Variants in ANO10 observed in about 807,000 individuals in gnomAD.
ANO10 encodes anoctamin-10.
A neutral mutation model predicts 74.7 loss-of-function variants in ANO10; 77 were observed. The ratio of observed to expected loss-of-function variants is 1.03; its 90% CI spans 0.86 to 1.25. The LOEUF (loss-of-function observed/expected upper bound fraction) is 1.25. Ranked by LOEUF, ANO10 falls within the 50% of genes most tolerant of loss-of-function variation. The pLI is 0.00. For synonymous variants in ANO10, 279 were observed against 284.9 expected, an observed-to-expected ratio of 0.98 and a Z score of 0.21; for missense variants, 721 against 778.1, an observed-to-expected ratio of 0.93 and a Z score of 0.87.
chr3:43,423,856 C>T (rs2092857599), intron 12 of ANO10, among the ~76,000 whole-genome samples: 1 of 152,194 alleles, frequency 6.6e-6, no homozygotes, highest in Non-Finnish European at 1.5e-5. Context: ...TCACACACTA[C>T]ATGTCAGCTG....
chr3:43,497,933 G>A (rs776203676), intron 11 of ANO10, among the ~76,000 whole-genome samples: 1 of 152,150 alleles, frequency 6.6e-6, no homozygotes, highest in Non-Finnish European at 1.5e-5. Flanking sequence ...ACCTGAGAGT[G>A]GAACTCATGC....
At chr3:43,428,796 C>CAAAAAAAAAAA (rs56213626) in intron 12 of ANO10, among the ~76,000 whole-genome samples, 706 of 55,430 alleles carry the variant, frequency 0.013, 184 homozygotes, top group Non-Finnish European at 0.015. Flanking sequence ...TTTGTGAATG[C>CAAAAAAAAAAA]AAAAAAAAAA....
At chr3:43,452,944 ATCTTTC>A (rs2074944701) in intron 11 of ANO10, among the ~76,000 whole-genome samples, 1 of 152,204 alleles carries the variant, frequency 6.6e-6, no homozygotes, top group Non-Finnish European at 1.5e-5. Context: ...TGATGTAAAT[ATCTTTC>A]CATGTGCTTG....
chr3:43,627,711 C>A (rs1253726150), intron 1 of ANO10, among the ~76,000 whole-genome samples: 1 of 152,190 alleles, frequency 6.6e-6, no homozygotes, highest in East Asian at 1.9e-4. Flanking sequence ...AAATCTTGCT[C>A]GTTTCTTATA....
chr3:43,542,993 G>A (rs2079022172), intron 11 of ANO10, among the ~76,000 whole-genome samples: 1 of 152,190 alleles, frequency 6.6e-6, no homozygotes. Flanking sequence ...GAACACTCAT[G>A]CAAGGGAGGC....
chr3:43,573,934 G>C (rs2080868473), intron 7 of ANO10, among the ~76,000 whole-genome samples: 1 of 152,126 alleles, frequency 6.6e-6, no homozygotes. Flanking sequence ...TCTAAAAAGT[G>C]GGTTAGTTTT....
intron 12 of ANO10, among the ~76,000 whole-genome samples, chr3:43,401,112 T>C (rs2148869732): frequency 6.6e-6 from 1 of 152,342 alleles, no homozygotes; most frequent in South Asian, 2.1e-4. Flanking sequence ...CTTCGCTTTT[T>C]CCTTTAAAGC....
intron 9 of ANO10, among the ~76,000 whole-genome samples, chr3:43,556,650 T>C (rs973560297): frequency 3.9e-5 from 6 of 152,156 alleles, no homozygotes; most frequent in South Asian, 2.1e-4. Context: ...ACTAAGAATA[T>C]ATTAACCAAG....
intron 12 of ANO10, among the ~76,000 whole-genome samples, chr3:43,414,969 T>C (rs1236599531): frequency 7.6e-6 from 1 of 130,870 alleles, no homozygotes; most frequent in East Asian, 2.1e-4. Flanking sequence ...TCATTGTGCT[T>C]TTTTTTTTTT....
chr3:43,524,787 C>T (rs1175869846), intron 11 of ANO10, among the ~76,000 whole-genome samples: 3 of 152,118 alleles, frequency 2.0e-5, no homozygotes, highest in African/African-American at 7.2e-5. Context: ...AGTACCCAAG[C>T]CAGAAACCTA....
intron 4 of ANO10, among the ~76,000 whole-genome samples, chr3:43,593,065 G>C (rs1193337965): frequency 6.6e-6 from 1 of 152,126 alleles, no homozygotes; most frequent in East Asian, 1.9e-4. Context: ...AGAGAAAAAA[G>C]AGTAAAAAGA....
intron 11 of ANO10, chr3:43,485,966 T>G (rs1472724908): frequency 4.3e-6 from 1 of 233,124 alleles, no homozygotes; most frequent in East Asian, 1.4e-4. Flanking sequence ...ATAAAAATAT[T>G]TTACCCCAAA....
At chr3:43,375,037 C>T (rs2091748187) in intron 12 of ANO10, among the ~76,000 whole-genome samples, 1 of 152,048 alleles carries the variant, frequency 6.6e-6, no homozygotes, top group Non-Finnish European at 1.5e-5. Flanking sequence ...AGGAGAACCA[C>T]ATGAACCCGG....
At position 43,576,812 on chromosome 3, in the gene ANO10, C is replaced by T. The variant is rs1208434174; in HGVS notation, c.1042G>A (p.Glu348Lys). Residue 348 changes from glutamate to lysine, a missense_variant, in exon 6 of 13, where the codon GAG becomes AAG. By Grantham distance (56) the Glu-to-Lys change is moderately conservative. Coordinates refer to ENST00000292246, the MANE Select transcript of ANO10 (RefSeq NM_018075.5). ...CTGGTCCACTCAGACCCGCTGTTCT[C>T]ATGTAGACCCAAGGCCCAAACCTCC... is the stretch of plus-strand genomic sequence containing the variant. ...DMEVWALGLH[E>K]NSGSEWTSVL... 1.2e-6 allele frequency: 2 copies of T among 1,614,054 alleles called. No homozygotes were observed. Among genetic ancestry groups the T allele is most frequent in the Non-Finnish European group, 1.7e-6 (2 of 1,180,034 alleles).
intron 1 of ANO10, among the ~76,000 whole-genome samples, chr3:43,682,850 T>C (rs2084219957): frequency 1.3e-5 from 2 of 152,208 alleles, no homozygotes; most frequent in South Asian, 2.1e-4. Flanking sequence ...TCTCAATAGA[T>C]GCAGAAAAGG....
chr3:43,368,998 C>T (rs747794854), intron 12 of ANO10, among the ~76,000 whole-genome samples: 42 of 152,248 alleles, frequency 2.8e-4, no homozygotes, highest in Non-Finnish European at 5.1e-4. Context: ...CTGGAAGCCC[C>T]GTGAGGTCAG....
intron 12 of ANO10, among the ~76,000 whole-genome samples, chr3:43,393,316 G>T (rs1253101781): frequency 6.6e-6 from 1 of 152,162 alleles, no homozygotes; most frequent in African/African-American, 2.4e-5. Context: ...GGAAAACCAA[G>T]ATTGGTTTTG....
At chr3:43,500,469 C>T (rs2077060061) in intron 11 of ANO10, among the ~76,000 whole-genome samples, 1 of 152,230 alleles carries the variant, frequency 6.6e-6, no homozygotes, top group Non-Finnish European at 1.5e-5. Context: ...CCAAATCACA[C>T]TACCAGAAAT....
At chr3:43,566,535 C>A (rs1180382018) in intron 7 of ANO10, among the ~76,000 whole-genome samples, 9 of 152,192 alleles carry the variant, frequency 5.9e-5, no homozygotes, top group Non-Finnish European at 1.3e-4. Context: ...ACCCCTGACC[C>A]CCGAGCAGCC....
Sources: gnomAD v4.1 joint callset for allele counts (sites outside exome capture counted in the v4.1 genomes callset) on GRCh38, gnomAD v4.1.1 for gene constraint, MANE v1.5 for transcripts, NCBI Gene and HGNC (gene_info 2026-07-23, HGNC 2026-07-21) for gene names.